RBFOX1: variants seen among roughly 807,000 people sequenced by gnomAD.
The protein encoded by RBFOX1 is RNA binding protein fox-1 homolog 1.
In RBFOX1, 8 loss-of-function variants were observed where a neutral mutation model predicts 57.7. The observed-to-expected ratio is 0.14, with a 90% CI of 0.08 to 0.25. The LOEUF is 0.25. RBFOX1 is among the 10% of genes least tolerant of loss of function. The probability of loss-of-function intolerance (pLI) is 1.00; values close to 1 mark genes in which losing one functional copy is unlikely to be tolerated. For synonymous variants in RBFOX1, 326 were observed against 222.4 expected (o/e 1.47, Z -4.15); for missense variants, 611 against 548.5 (o/e 1.11, Z -1.14).
At chr16:6,712,770 C>T (rs1009358566) in intron 3 of RBFOX1, among the ~76,000 whole-genome samples, 1 of 151,954 alleles carries the variant, frequency 6.6e-6, no homozygotes, top group African/African-American at 2.4e-5. Flanking sequence ...TTCCACTTAC[C>T]AGTTGATATG....
Position 6,938,694 on chromosome 16 carries a change from C to G in RBFOX1, c.-15-113363C>G, listed in dbSNP as rs148380230. Among the ~76,000 whole-genome samples the G allele has an allele frequency of 2.9e-3, 444 of 152,156 alleles. 6 individuals are homozygous for G. Among genetic ancestry groups the G allele is most frequent in the African/African-American group, 0.01 (430 of 41,498 alleles). ...TAGAATTGGGGCTTTGCCATGTTGG[C>G]CAGGCTGGTCTCGAATCACTTGAGA... On this transcript the variant is annotated intron_variant, in intron 3 of 15. Coordinates refer to ENST00000550418, the MANE Select transcript of RBFOX1 (RefSeq NM_018723.4).
chr16:6,359,851 C>G (rs1163348926), intron 2 of RBFOX1, among the ~76,000 whole-genome samples: 1 of 152,086 alleles, frequency 6.6e-6, no homozygotes, highest in Non-Finnish European at 1.5e-5. Flanking sequence ...CTCAAAACAA[C>G]TTAATAGTAT....
At chr16:5,542,091 A>C (rs962926439) in intron 2 of RBFOX1, among the ~76,000 whole-genome samples, 2 of 152,028 alleles carry the variant, frequency 1.3e-5, no homozygotes, top group African/African-American at 4.8e-5. Context: ...GGTTGATCTT[A>C]TTCTAGATTT....
At chr16:7,105,659 G>T (rs1429055627) in intron 4 of RBFOX1, among the ~76,000 whole-genome samples, 1 of 151,970 alleles carries the variant, frequency 6.6e-6, no homozygotes, top group Admixed American at 6.6e-5. Context: ...TTTTATGGCT[G>T]AGTCATATTC....
chr16:7,220,509 T>C (rs1348689037), intron 4 of RBFOX1, among the ~76,000 whole-genome samples: 1 of 152,222 alleles, frequency 6.6e-6, no homozygotes, highest in Non-Finnish European at 1.5e-5. Context: ...GATTTGATTA[T>C]GTGTGATTTC....
intron 3 of RBFOX1, among the ~76,000 whole-genome samples, chr16:6,865,347 T>G (rs950237660): frequency 6.6e-6 from 1 of 152,138 alleles, no homozygotes; most frequent in Non-Finnish European, 1.5e-5. Context: ...TTGAATAATA[T>G]GTGTTCATTG....
intron 3 of RBFOX1, among the ~76,000 whole-genome samples, chr16:5,758,601 T>C (rs1253509325): frequency 1.3e-5 from 2 of 152,188 alleles, no homozygotes; most frequent in Non-Finnish European, 2.9e-5. Context: ...AGTGTCTCCA[T>C]GGAAACTGGA....
At chr16:7,172,066 G>GT (rs1567560444) in intron 4 of RBFOX1, among the ~76,000 whole-genome samples, 176 of 151,942 alleles carry the variant, frequency 1.2e-3, no homozygotes, top group Admixed American at 2.1e-3. Context: ...GGGCAATTTA[G>GT]AAAAAAATAT....
intron 3 of RBFOX1, among the ~76,000 whole-genome samples, chr16:6,891,793 A>G (rs1200482454): frequency 6.6e-6 from 1 of 152,206 alleles, no homozygotes; most frequent in Admixed American, 6.5e-5. Flanking sequence ...GCTGCCCAAA[A>G]TAGAGCAAAG....
rs1228321980 is a variant in RBFOX1 at position 6,940,470 on chromosome 16, C to T, written c.-15-111587C>T. Among the ~76,000 whole-genome samples, 3 of 152,150 alleles carry T rather than the reference C, an allele frequency of 2.0e-5. No individual in the cohort carries two copies. In the East Asian group the frequency reaches 5.8e-4, roughly 29 times the overall value. Reference sequence around the variant, plus strand: ...GCAAAAACTGACGAGTGAGTGATGACAATGATAATTTAGGTAAATATTGAT... The same window carrying T: ...GCAAAAACTGACGAGTGAGTGATGATAATGATAATTTAGGTAAATATTGAT... On this transcript the variant is annotated intron_variant, in intron 3 of 15. Coordinates refer to ENST00000550418, the MANE Select transcript of RBFOX1 (RefSeq NM_018723.4).
intron 2 of RBFOX1, among the ~76,000 whole-genome samples, chr16:5,559,215 A>C (rs2045798236): frequency 6.7e-6 from 1 of 150,336 alleles, no homozygotes; most frequent in African/African-American, 2.5e-5. Context: ...AAACTGGAAG[A>C]GTACTTTGCC....
chr16:5,680,115 A>G (rs550895539), intron 3 of RBFOX1, among the ~76,000 whole-genome samples: 1 of 152,326 alleles, frequency 6.6e-6, no homozygotes, highest in Non-Finnish European at 1.5e-5. Flanking sequence ...GAGGGACATC[A>G]TGAGACTGGC....
chr16:6,849,447 C>T (rs1355106156), intron 3 of RBFOX1, among the ~76,000 whole-genome samples: 1 of 152,146 alleles, frequency 6.6e-6, no homozygotes, highest in Non-Finnish European at 1.5e-5. Context: ...GCTGGTAGAT[C>T]ACTTGAGGCC....
intron 3 of RBFOX1, among the ~76,000 whole-genome samples, chr16:6,679,878 GTTTTTTTTTTT>G (rs71145274): frequency 0.42 from 48,546 of 114,928 alleles, 9,457 homozygotes; most frequent in Middle Eastern, 0.59. Flanking sequence ...GTTTCTACTT[GTTTTTTTTTTT>G]TTTTTTTTTT....
At chr16:6,677,299 C>G (rs147125723) in intron 3 of RBFOX1, among the ~76,000 whole-genome samples, 9 of 152,166 alleles carry the variant, frequency 5.9e-5, no homozygotes, top group African/African-American at 2.2e-4. Context: ...GTCAACACAT[C>G]TGTCATTCCT....
chr16:7,443,346 C>T (rs1231105807), intron 4 of RBFOX1, among the ~76,000 whole-genome samples: 1 of 151,788 alleles, frequency 6.6e-6, no homozygotes, highest in Non-Finnish European at 1.5e-5. Flanking sequence ...GAATTCCTAC[C>T]CCATCCCCCT....
intron 3 of RBFOX1, among the ~76,000 whole-genome samples, chr16:5,783,656 C>T (rs1232172291): frequency 2.0e-5 from 3 of 152,042 alleles, no homozygotes; most frequent in Non-Finnish European, 4.4e-5. Context: ...TTAATGATAC[C>T]CCAGGCACAT....
intron 3 of RBFOX1, among the ~76,000 whole-genome samples, chr16:6,674,667 G>A (rs1410393451): frequency 7.9e-5 from 12 of 152,226 alleles, no homozygotes; most frequent in Admixed American, 7.2e-4. Flanking sequence ...TACGAATGTA[G>A]ACTCACGGGG....
chr16:6,194,643 G>C (rs1315178406), intron 1 of RBFOX1, among the ~76,000 whole-genome samples: 1 of 152,140 alleles, frequency 6.6e-6, no homozygotes, highest in Non-Finnish European at 1.5e-5. Context: ...CTTCCTCCAG[G>C]CATTCTTTCC....
Sources: gnomAD v4.1 joint callset for allele counts (sites outside exome capture counted in the v4.1 genomes callset) on GRCh38, gnomAD v4.1.1 for gene constraint, MANE v1.5 for transcripts, NCBI Gene and HGNC (gene_info 2026-07-23, HGNC 2026-07-21) for gene names.